FGGY: variants seen among roughly 807,000 people sequenced by gnomAD.
FGGY encodes the protein FGGY carbohydrate kinase domain-containing protein.
FGGY carries 72 observed loss-of-function variants against 71.3 expected under a neutral mutation model. The ratio of observed to expected loss-of-function variants is 1.01; its 90% CI spans 0.84 to 1.23. FGGY has a LOEUF of 1.23. Ranked by LOEUF, FGGY falls within the 50% of genes most tolerant of loss-of-function variation. The pLI is 0.00. For missense variants in FGGY, 668 were observed against 682.3 expected (o/e 0.98, Z 0.23); for synonymous variants, 251 against 250.3 (o/e 1.00, Z -0.02).
intron 4 of FGGY, among the ~76,000 whole-genome samples, chr1:59,372,073 G>C (rs1269606690): frequency 6.6e-6 from 1 of 152,150 alleles, no homozygotes; most frequent in East Asian, 1.9e-4. Context: ...CAGAACTGAA[G>C]GCGATAAATC....
At chr1:59,553,962 G>A in intron 7 of FGGY, 162 bp from the exon 8 acceptor site, 2 of 504,904 alleles carry the variant, frequency 4.0e-6, no homozygotes. Context: ...ATGCAGGCAA[G>A]TATGCCCTTT....
At position 59,638,231 on chromosome 1, in the gene FGGY, C is replaced by T; in HGVS notation, c.1077C>T (p.Cys359=). The T allele has an allele frequency of 6.2e-7, 1 of 1,612,800 alleles. No individual in the cohort carries two copies. The highest frequency in any genetic ancestry group is 8.5e-7 in the Non-Finnish European group (1 of 1,179,452). Residue 359 remains cysteine, a synonymous_variant, in exon 11 of 16, where the codon TGC becomes TGT. Coordinates refer to ENST00000303721, the MANE Select transcript of FGGY (RefSeq NM_018291.5). ...ATAAAATTCACTTCTCTTCCAGATG[C>T]CAGAGTATATATGCATATTTGAACA... The part of the protein sequence containing the change: ...PELQVKATAR[C]QSIYAYLNSH...
At chr1:59,413,590 G>A in intron 5 of FGGY, among the ~76,000 whole-genome samples, 1 of 152,054 alleles carries the variant, frequency 6.6e-6, no homozygotes, top group Non-Finnish European at 1.5e-5. Flanking sequence ...GATGCATATT[G>A]TTTCAGCTAT....
intron 12 of FGGY, among the ~76,000 whole-genome samples, chr1:59,662,408 A>T (rs901078691): frequency 1.4e-4 from 22 of 152,096 alleles, no homozygotes; most frequent in Admixed American, 7.2e-4. Flanking sequence ...TACTACGTAG[A>T]TATTATAATT....
At chr1:59,318,170 T>C (rs1189287380) in intron 1 of FGGY, among the ~76,000 whole-genome samples, 1 of 152,272 alleles carries the variant, frequency 6.6e-6, no homozygotes, top group Non-Finnish European at 1.5e-5. Flanking sequence ...TATCTAGGAC[T>C]TATTTTCCTC....
At chr1:59,600,589 A>T (rs1041173588) in intron 8 of FGGY, among the ~76,000 whole-genome samples, 7 of 152,198 alleles carry the variant, frequency 4.6e-5, no homozygotes, top group African/African-American at 1.7e-4. Context: ...AGCTCTTTGG[A>T]CACCAAACTT....
chr1:59,728,498 T>C (rs1239642388), intron 14 of FGGY, among the ~76,000 whole-genome samples: 1 of 152,092 alleles, frequency 6.6e-6, no homozygotes, highest in Non-Finnish European at 1.5e-5. Flanking sequence ...GATGCTTTTC[T>C]TTTATGTAGG....
intron 1 of FGGY, among the ~76,000 whole-genome samples, chr1:59,316,802 G>T (rs892626437): frequency 2.6e-5 from 4 of 152,156 alleles, no homozygotes; most frequent in African/African-American, 9.7e-5. Context: ...GGACTTGTAC[G>T]CAGCACAGCT....
At chr1:59,463,404 A>G (rs2092392928) in intron 6 of FGGY, among the ~76,000 whole-genome samples, 1 of 152,224 alleles carries the variant, frequency 6.6e-6, no homozygotes, top group Admixed American at 6.5e-5. Flanking sequence ...CCACTGCAAA[A>G]ACATGCCAAA....
At chr1:59,309,869 A>G (rs2043987437) in intron 1 of FGGY, 1 of 151,996 alleles carries the variant, frequency 6.6e-6, no homozygotes, top group African/African-American at 2.4e-5. Flanking sequence ...AATCCCAGCT[A>G]CTTGGGAGTC....
intron 5 of FGGY, among the ~76,000 whole-genome samples, chr1:59,401,066 T>C (rs969215679): frequency 1.3e-5 from 2 of 152,200 alleles, no homozygotes; most frequent in African/African-American, 4.8e-5. Context: ...TTTATAAAAA[T>C]TCATAGTCTC....
At chr1:59,759,811 G>A (rs2098327227) in intron 15 of FGGY, among the ~76,000 whole-genome samples, 1 of 152,190 alleles carries the variant, frequency 6.6e-6, no homozygotes, top group South Asian at 2.1e-4. Flanking sequence ...GAAGAGAGGG[G>A]ATTCAGCTGA....
At chr1:59,697,920 TA>T (rs1406582719) in intron 14 of FGGY, among the ~76,000 whole-genome samples, 1 of 152,214 alleles carries the variant, frequency 6.6e-6, no homozygotes, top group Non-Finnish European at 1.5e-5. Context: ...TGAAACTTAC[TA>T]AATATGTGAT....
At chr1:59,308,122 G>A (rs1012242100) in intron 1 of FGGY, among the ~76,000 whole-genome samples, 1 of 152,172 alleles carries the variant, frequency 6.6e-6, no homozygotes, top group Non-Finnish European at 1.5e-5. Flanking sequence ...GTTAAGTATG[G>A]TCAGTGCCTC....
At chr1:59,459,134 G>T (rs1299205203) in intron 6 of FGGY, among the ~76,000 whole-genome samples, 1 of 152,040 alleles carries the variant, frequency 6.6e-6, no homozygotes, top group African/African-American at 2.4e-5. Flanking sequence ...AGGCTTCCTG[G>T]GCCCATGCAG....
chr1:59,750,094 G>GA (rs972230990), intron 14 of FGGY, among the ~76,000 whole-genome samples: 25 of 152,234 alleles, frequency 1.6e-4, no homozygotes, highest in African/African-American at 5.1e-4. Context: ...TAATAAATGG[G>GA]AAAACTGAGC....
At chr1:59,517,508 G>T (rs985244929) in intron 7 of FGGY, among the ~76,000 whole-genome samples, 1 of 151,882 alleles carries the variant, frequency 6.6e-6, no homozygotes, top group Admixed American at 6.6e-5. Context: ...CTCGTGATCC[G>T]CCCGCCTCGG....
intron 9 of FGGY, among the ~76,000 whole-genome samples, chr1:59,614,157 C>A (rs1364755834): frequency 6.6e-6 from 1 of 152,184 alleles, no homozygotes; most frequent in Admixed American, 6.5e-5. Context: ...ATGAGGCCAG[C>A]ATCATCCTGA....
chr1:59,482,047 A>T (rs529677298), intron 6 of FGGY, among the ~76,000 whole-genome samples: 28 of 152,316 alleles, frequency 1.8e-4, no homozygotes, highest in African/African-American at 6.3e-4. Flanking sequence ...GCCATCATCA[A>T]CCCAGCTATG....
Sources: gnomAD v4.1 joint callset for allele counts (sites outside exome capture counted in the v4.1 genomes callset) on GRCh38, gnomAD v4.1.1 for gene constraint, MANE v1.5 for transcripts, NCBI Gene and HGNC (gene_info 2026-07-23, HGNC 2026-07-21) for gene names.